Variants in EIPR1 observed in about 807,000 individuals in gnomAD.
EIPR1 encodes the protein EARP and GARP complex-interacting protein 1.
In EIPR1, 25 loss-of-function variants were observed where a neutral mutation model predicts 48.1. The observed-to-expected ratio is 0.52, with a 90% CI of 0.38 to 0.73. EIPR1 has a LOEUF of 0.73. EIPR1 is among the 30% of genes least tolerant of loss of function. The pLI, the probability that EIPR1 is intolerant of heterozygous loss-of-function variation, is 0.00. For missense variants in EIPR1, 415 were observed against 506.2 expected (o/e 0.82, Z 1.73); for synonymous variants, 204 against 201.9 (o/e 1.01, Z -0.09).
rs1404421232 is a variant in EIPR1 at position 3,208,837 on chromosome 2, G to A, written c.516+5312C>T. The stretch of plus-strand genomic sequence containing the variant: ...AGTGAGGCCCGTGGCAGGTGCAGGT[G>A]TCTGGGGCCATCCCTGTTCCCCGAC... On this transcript the variant is annotated intron_variant, in intron 5 of 8. Transcript: ENST00000382125. The A allele has an allele frequency of 5.8e-6, 9 of 1,549,050 alleles. No individual in the cohort carries two copies. The Admixed American group carries it at 1.8e-4, about 30-fold the overall frequency.
intron 5 of EIPR1, among the ~76,000 whole-genome samples, chr2:3,204,400 T>C (rs996380736): frequency 2.6e-5 from 4 of 152,130 alleles, no homozygotes; most frequent in Non-Finnish European, 5.9e-5. Context: ...TTTCTGAGGG[T>C]CTACTCAGGG....
intron 3 of EIPR1, among the ~76,000 whole-genome samples, chr2:3,304,492 G>A (rs1388448748): frequency 2.8e-4 from 2 of 7,198 alleles, no homozygotes; most frequent in African/African-American, 6.0e-4. Flanking sequence ...CAGCCCTCCA[G>A]TCCCATCAGT....
intron 2 of EIPR1, among the ~76,000 whole-genome samples, chr2:3,349,075 C>T (rs1157211378): frequency 6.6e-6 from 1 of 152,212 alleles, no homozygotes; most frequent in Non-Finnish European, 1.5e-5. Flanking sequence ...ACCCTTTCCA[C>T]GTGTGTCTGT....
intron 6 of EIPR1, among the ~76,000 whole-genome samples, chr2:3,195,282 C>T (rs1020710939): frequency 1.3e-5 from 2 of 152,254 alleles, no homozygotes; most frequent in Admixed American, 6.5e-5. Flanking sequence ...CTCCCCAGCA[C>T]TGCCGTGGGC....
chr2:3,293,247 C>T (rs1341323511), intron 3 of EIPR1, among the ~76,000 whole-genome samples: 3 of 152,220 alleles, frequency 2.0e-5, no homozygotes, highest in Non-Finnish European at 2.9e-5. Flanking sequence ...GCACTCTAAC[C>T]GGGTTCCCAG....
intron 2 of EIPR1, among the ~76,000 whole-genome samples, chr2:3,342,306 G>T (rs929469642): frequency 6.6e-6 from 1 of 152,204 alleles, no homozygotes; most frequent in African/African-American, 2.4e-5. Context: ...AGACCACAAG[G>T]TGATATAGCA....
At chr2:3,254,158 C>T (rs1480097642) in intron 4 of EIPR1, among the ~76,000 whole-genome samples, 1 of 152,166 alleles carries the variant, frequency 6.6e-6, no homozygotes, top group Non-Finnish European at 1.5e-5. Flanking sequence ...ATTCACCAGA[C>T]CGACGTTCCC....
intron 5 of EIPR1, among the ~76,000 whole-genome samples, chr2:3,202,935 G>T (rs1286311265): frequency 6.6e-6 from 1 of 152,186 alleles, no homozygotes; most frequent in Non-Finnish European, 1.5e-5. Flanking sequence ...CTCCTCAGCC[G>T]TGCCGAGTGC....
intron 1 of EIPR1, among the ~76,000 whole-genome samples, chr2:3,366,752 T>C (rs7595083): frequency 6.6e-6 from 1 of 152,298 alleles, no homozygotes; most frequent in East Asian, 1.9e-4. Context: ...TTTTGAATTT[T>C]TTGTATTAAA....
rs1668869291 is a variant in EIPR1 at position 3,304,785 on chromosome 2, ATCCAGTCCCGTCCAATTCAGCCC to A, written c.259+33209_259+33231del. Among the ~76,000 whole-genome samples, 3 of 35,460 alleles carry A rather than the reference ATCCAGTCCCGTCCAATTCAGCCC, an allele frequency of 8.5e-5. No homozygotes were observed. The East Asian group carries it at 3.1e-3, about 37-fold the overall frequency. 23.3% of individuals were successfully genotyped at this position (35,460 alleles called of 152,430 possible). A position where few individuals can be genotyped will look rare whatever the true frequency, so the allele number is the denominator to read the frequency against. On this transcript the variant is annotated intron_variant, in intron 3 of 8. Coordinates refer to ENST00000382125, the MANE Select transcript of EIPR1 (RefSeq NM_003310.5). ...CCCTCCAGTCCCGTCCAGTTCAGCC[ATCCAGTCCCGTCCAATTCAGCCC>A]TCCACTCCCGTCCAGTTCAGCCCTC...
At chr2:3,224,315 C>A (rs1300324481) in intron 4 of EIPR1, among the ~76,000 whole-genome samples, 1 of 152,208 alleles carries the variant, frequency 6.6e-6, no homozygotes, top group Non-Finnish European at 1.5e-5. Context: ...TTCAACCCTG[C>A]CGTAAGAGCA....
chr2:3,293,988 T>C (rs1296824646), intron 3 of EIPR1, among the ~76,000 whole-genome samples: 7 of 152,196 alleles, frequency 4.6e-5, no homozygotes, highest in Non-Finnish European at 1.0e-4. Context: ...TTAACAAATA[T>C]GAACCTAAAC....
rs370453145 is a variant in EIPR1 at position 3,274,827 on chromosome 2, T to A, written c.260-17372A>T. ...AAATAGATTTAAAAGCTTTTCATAT[T>A]GTTGGAATAGAGAAATACTGAATAT... On this transcript the variant is annotated intron_variant, in intron 3 of 8. Coordinates refer to ENST00000382125, the MANE Select transcript of EIPR1 (RefSeq NM_003310.5). Among the ~76,000 whole-genome samples the A allele has an allele frequency of 5.3e-5, 8 of 152,270 alleles. No individual in the cohort carries two copies. The East Asian group carries it at 7.7e-4, about 15-fold the overall frequency.
chr2:3,246,981 G>GGAGGGAGGGAGAGATC (rs1666836175), intron 4 of EIPR1, among the ~76,000 whole-genome samples: 1 of 210 alleles, frequency 4.8e-3, no homozygotes, highest in Non-Finnish European at 0.01. Context: ...AAGGAGGGAG[G>GGAGGGAGGGAGAGATC]GAGGGAGGGA....
chr2:3,370,918 C>G (rs796136433), intron 1 of EIPR1, among the ~76,000 whole-genome samples: 17 of 152,136 alleles, frequency 1.1e-4, no homozygotes, highest in African/African-American at 3.9e-4. Flanking sequence ...AGAAGAGCAA[C>G]TCCAAGACAC....
At chr2:3,298,724 C>T (rs928510014) in intron 3 of EIPR1, among the ~76,000 whole-genome samples, 1 of 151,972 alleles carries the variant, frequency 6.6e-6, no homozygotes, top group African/African-American at 2.4e-5. Context: ...AAAGAGGGGC[C>T]GTGTTCTCTA....
At chr2:3,336,800 G>T (rs1258718221) in intron 3 of EIPR1, among the ~76,000 whole-genome samples, 1 of 145,946 alleles carries the variant, frequency 6.9e-6, no homozygotes, top group East Asian at 2.0e-4. Flanking sequence ...GAAAGGAAAA[G>T]AAAAGAAAAG....
intron 4 of EIPR1, among the ~76,000 whole-genome samples, chr2:3,253,333 G>A (rs943362402): frequency 1.3e-5 from 2 of 152,090 alleles, no homozygotes; most frequent in Middle Eastern, 3.2e-3. Context: ...TCCCTAAAAC[G>A]TATAAAACCA....
chr2:3,212,082 A>AG (rs1665475728), intron 5 of EIPR1, among the ~76,000 whole-genome samples: 1 of 152,236 alleles, frequency 6.6e-6, no homozygotes, highest in African/African-American at 2.4e-5. Context: ...GCTGGGTGTG[A>AG]AGATGGCTTG....
Sources: gnomAD v4.1 joint callset for allele counts (sites outside exome capture counted in the v4.1 genomes callset) on GRCh38, gnomAD v4.1.1 for gene constraint, MANE v1.5 for transcripts, NCBI Gene and HGNC (gene_info 2026-07-23, HGNC 2026-07-21) for gene names.